The following KCNS3 variants were observed in gnomAD, a reference collection of about 807,000 sequenced individuals.
KCNS3 encodes the protein potassium voltage-gated channel modifier subfamily S member 3.
A neutral mutation model predicts 31.0 loss-of-function variants in KCNS3; 13 were observed. That is an observed-to-expected ratio of 0.42 (90% CI 0.27 to 0.67). The LOEUF is 0.67. Among genes scored for constraint, KCNS3 ranks in the 30% least tolerant of loss-of-function variants. The pLI, the probability that KCNS3 is intolerant of heterozygous loss-of-function variation, is 0.25. For synonymous variants in KCNS3, 238 were observed against 241.5 expected (o/e 0.99, Z 0.13); for missense variants, 545 against 622.4 (o/e 0.88, Z 1.32).
At chr2:17,908,933 T>C (rs1662404391) in intron 1 of KCNS3, among the ~76,000 whole-genome samples, 2 of 152,220 alleles carry the variant, frequency 1.3e-5, no homozygotes, top group African/African-American at 4.8e-5. Context: ...AGGCAGTCTG[T>C]CCATTCTCAG....
chr2:17,904,576 G>A (rs1175925906), intron 1 of KCNS3, among the ~76,000 whole-genome samples: 1 of 151,916 alleles, frequency 6.6e-6, no homozygotes, highest in African/African-American at 2.4e-5. Flanking sequence ...TTTCCTCTAG[G>A]GTTTTTATGG....
intron 1 of KCNS3, among the ~76,000 whole-genome samples, chr2:17,892,333 T>A (rs896914645): frequency 1.3e-5 from 2 of 152,090 alleles, no homozygotes; most frequent in African/African-American, 4.8e-5. Context: ...CCTTCACTTC[T>A]TGTATCATTT....
At chr2:17,884,742 C>A (rs1180980669) in intron 1 of KCNS3, among the ~76,000 whole-genome samples, 1 of 152,110 alleles carries the variant, frequency 6.6e-6, no homozygotes, top group Non-Finnish European at 1.5e-5. Flanking sequence ...CAGATATATA[C>A]CTCTGTGTAT....
At chr2:17,896,201 T>A (rs1411401343) in intron 1 of KCNS3, among the ~76,000 whole-genome samples, 1 of 152,028 alleles carries the variant, frequency 6.6e-6, no homozygotes, top group Non-Finnish European at 1.5e-5. Flanking sequence ...TACCACCACA[T>A]CTGACTCATT....
intron 2 of KCNS3, among the ~76,000 whole-genome samples, chr2:17,920,944 A>G (rs1662690899): frequency 6.6e-6 from 1 of 152,220 alleles, no homozygotes; most frequent in African/African-American, 2.4e-5. Flanking sequence ...TGCCGCATAA[A>G]AGGTGGACAA....
At chr2:17,907,182 C>G (rs1662342943) in intron 1 of KCNS3, among the ~76,000 whole-genome samples, 1 of 152,196 alleles carries the variant, frequency 6.6e-6, no homozygotes, top group Admixed American at 6.5e-5. Context: ...GTTAGCTCTT[C>G]TTGTTGAATT....
chr2:17,904,200 T>A (rs1348533692), intron 1 of KCNS3, among the ~76,000 whole-genome samples: 1 of 152,266 alleles, frequency 6.6e-6, no homozygotes, highest in African/African-American at 2.4e-5. Flanking sequence ...TGTATTTCTC[T>A]GATAGCCAGG....
At chr2:17,928,840 G>A (rs1388065922) in intron 2 of KCNS3, among the ~76,000 whole-genome samples, 3 of 151,622 alleles carry the variant, frequency 2.0e-5, no homozygotes, top group African/African-American at 7.3e-5. Context: ...CTGCTTCCTT[G>A]TCCCTTTTTT....
intron 1 of KCNS3, among the ~76,000 whole-genome samples, chr2:17,888,429 TG>T (rs1034364882): frequency 2.0e-5 from 3 of 151,496 alleles, no homozygotes; most frequent in African/African-American, 7.3e-5. Flanking sequence ...CTCCTACAGG[TG>T]GCTACCCAAT....
chr2:17,909,501 C>T (rs1237820437), intron 1 of KCNS3, among the ~76,000 whole-genome samples: 3 of 152,140 alleles, frequency 2.0e-5, no homozygotes. Context: ...GTGAGATGAA[C>T]CCGGTACCTC....
At chr2:17,877,984 T>C (rs772901133), upstream of KCNS3, 13 of 152,310 alleles carry the variant, frequency 8.5e-5, no homozygotes, top group Middle Eastern at 3.4e-3. Flanking sequence ...ACCCGACTGG[T>C]TCCTCTTCTA....
At chr2:17,884,760 T>C (rs1003367980) in intron 1 of KCNS3, among the ~76,000 whole-genome samples, 1 of 152,174 alleles carries the variant, frequency 6.6e-6, no homozygotes. Context: ...TATAGAGTTA[T>C]AGCACTTCTA....
rs182591203 is a variant in KCNS3, at chr2:17,899,140, C to T, written c.-251-18540C>T. Among the ~76,000 whole-genome samples, 402 of 152,172 alleles carry T rather than the reference C, an allele frequency of 2.6e-3. 2 individuals are homozygous for T. Among genetic ancestry groups the T allele is most frequent in the Non-Finnish European group, 4.1e-3 (276 of 67,996 alleles). ...GCTCAGGAGGCTGAGGCAGGAGCAT[C>T]GCTTGAACCCGGGAGGTGGAGGTTT... is the stretch of plus-strand genomic sequence containing the variant. On this transcript the variant is annotated intron_variant, in intron 1 of 2. Coordinates refer to ENST00000304101, the MANE Select transcript of KCNS3 (RefSeq NM_002252.5).
At chr2:17,894,280 A>G (rs936663046) in intron 1 of KCNS3, among the ~76,000 whole-genome samples, 1 of 152,036 alleles carries the variant, frequency 6.6e-6, no homozygotes, top group African/African-American at 2.4e-5. Flanking sequence ...GGAGCACTAT[A>G]TGATGTAGAA....
chr2:17,921,408 G>T (rs1662699705), intron 2 of KCNS3, among the ~76,000 whole-genome samples: 1 of 151,702 alleles, frequency 6.6e-6, no homozygotes, highest in Non-Finnish European at 1.5e-5. Flanking sequence ...AAAAGATAAG[G>T]GTTTTCTTTT....
At chr2:17,893,852 A>G (rs941251162) in intron 1 of KCNS3, among the ~76,000 whole-genome samples, 7 of 150,966 alleles carry the variant, frequency 4.6e-5, no homozygotes, top group African/African-American at 1.2e-4. Flanking sequence ...CTTGCAGCCA[A>G]TCTGAAGCTA....
chr2:17,916,405 A>C (rs1387964672), intron 1 of KCNS3, among the ~76,000 whole-genome samples: 1 of 152,090 alleles, frequency 6.6e-6, no homozygotes, highest in African/African-American at 2.4e-5. Context: ...AGGAGGAAGG[A>C]GGAGGAGTTT....
intron 1 of KCNS3, among the ~76,000 whole-genome samples, chr2:17,906,081 G>A (rs1045216799): frequency 7.9e-5 from 12 of 152,214 alleles, no homozygotes; most frequent in South Asian, 2.1e-4. Flanking sequence ...CTGTGAATCC[G>A]TCTGGTCCTG....
intron 1 of KCNS3, among the ~76,000 whole-genome samples, chr2:17,907,450 C>G (rs1210017849): frequency 6.6e-6 from 1 of 152,150 alleles, no homozygotes; most frequent in Non-Finnish European, 1.5e-5. Flanking sequence ...GAACATTTAG[C>G]CCATTTACAT....
Sources: allele counts gnomAD v4.1 joint callset (sites outside exome capture counted in the v4.1 genomes callset), GRCh38; gene constraint gnomAD v4.1.1; transcripts MANE v1.5; gene names NCBI Gene and HGNC (gene_info 2026-07-23, HGNC 2026-07-21).